Variants in SETBP1 observed in about 807,000 individuals in gnomAD.
SETBP1 encodes the protein SET binding protein 1.
A neutral mutation model predicts 101.0 loss-of-function variants in SETBP1; 9 were observed. That is an observed-to-expected ratio of 0.09 (90% confidence interval 0.05 to 0.16). SETBP1 has a LOEUF of 0.16. Ranked by LOEUF, SETBP1 falls within the 10% of genes least tolerant of loss-of-function variation. SETBP1 has a pLI of 1.00. For synonymous variants in SETBP1, 818 were observed against 788.5 expected (o/e 1.04, Z -0.63); for missense variants, 1,858 against 2,033.8 (o/e 0.91, Z 1.66).
intron 2 of SETBP1, among the ~76,000 whole-genome samples, chr18:44,833,408 G>A (rs1235040884): frequency 6.6e-6 from 1 of 152,178 alleles, no homozygotes; most frequent in Admixed American, 6.5e-5. Flanking sequence ...CAGAGGGTTG[G>A]AAGAATGAGG....
chr18:44,822,125 T>A (rs1467371015), intron 2 of SETBP1, among the ~76,000 whole-genome samples: 4 of 152,286 alleles, frequency 2.6e-5, no homozygotes, highest in Admixed American at 6.5e-5. Flanking sequence ...GTGACTTTTG[T>A]TCTGCAGAAT....
intron 2 of SETBP1, among the ~76,000 whole-genome samples, chr18:44,778,049 G>C (rs2071041674): frequency 6.6e-6 from 1 of 152,142 alleles, no homozygotes; most frequent in Non-Finnish European, 1.5e-5. Context: ...CTGTGGGATG[G>C]GCTGGCGTGT....
intron 3 of SETBP1, among the ~76,000 whole-genome samples, chr18:44,932,297 C>T (rs2070855051): frequency 1.3e-5 from 2 of 152,192 alleles, no homozygotes; most frequent in African/African-American, 4.8e-5. Context: ...AGAGTTTCTG[C>T]TGAGAGATCC....
At chr18:44,956,498 A>G (rs2145130660) in intron 4 of SETBP1, among the ~76,000 whole-genome samples, 1 of 152,236 alleles carries the variant, frequency 6.6e-6, no homozygotes, top group East Asian at 1.9e-4. Flanking sequence ...ATGATTGGAA[A>G]TAAGCACCTG....
intron 2 of SETBP1, among the ~76,000 whole-genome samples, chr18:44,834,214 T>G (rs961920431): frequency 7.9e-5 from 12 of 152,182 alleles, no homozygotes; most frequent in Non-Finnish European, 1.6e-4. Flanking sequence ...AGTTTCACCT[T>G]GCACACAGAA....
intron 2 of SETBP1, among the ~76,000 whole-genome samples, chr18:44,726,222 C>G (rs1208965892): frequency 6.6e-6 from 1 of 152,190 alleles, no homozygotes; most frequent in Non-Finnish European, 1.5e-5. Context: ...AGTGACATTT[C>G]AAGCCTTCTT....
Position 44,950,409 on chromosome 18 carries a change from A to T in SETBP1, c.1069A>T (p.Asn357Tyr). 6.2e-7 allele frequency: 1 copy of T among 1,614,130 alleles called. No homozygotes were observed. Among genetic ancestry groups the T allele is most frequent in the Non-Finnish European group, 8.5e-7 (1 of 1,180,034 alleles). Reference sequence around the variant, plus strand: ...AAACCCAGACCTGGATTGGGTCAAGAATGCCCAGAAAGCATTTGACAATAC... The same window carrying T: ...AAACCCAGACCTGGATTGGGTCAAGTATGCCCAGAAAGCATTTGACAATAC... ...IPNPDLDWVK[N>Y]AQKAFDNTEG... The change falls in exon 4 of 6, where the codon AAT (asparagine) becomes TAT (tyrosine). Residue 357 changes from asparagine (N) to tyrosine (Y), a missense_variant. By Grantham distance (143) the Asn-to-Tyr change is moderately radical (BLOSUM62 -2). Transcript: ENST00000649279.
chr18:45,002,822 C>T (rs930435831), intron 4 of SETBP1, among the ~76,000 whole-genome samples: 7 of 152,170 alleles, frequency 4.6e-5, no homozygotes, highest in Admixed American at 4.6e-4. Context: ...GTTTTAAGGG[C>T]TCAGTTGAAA....
At chr18:45,002,704 C>T (rs1197788461) in intron 4 of SETBP1, among the ~76,000 whole-genome samples, 3 of 152,196 alleles carry the variant, frequency 2.0e-5, no homozygotes, top group Non-Finnish European at 2.9e-5. Flanking sequence ...TTTTGCAGTT[C>T]CTTCTCCAAG....
At chr18:44,977,579 C>T (rs906151232) in intron 4 of SETBP1, among the ~76,000 whole-genome samples, 3 of 152,236 alleles carry the variant, frequency 2.0e-5, no homozygotes, top group Non-Finnish European at 2.9e-5. Context: ...GTTGCCTGAA[C>T]ATTGACTTTC....
intron 2 of SETBP1, among the ~76,000 whole-genome samples, chr18:44,828,066 A>G (rs1444078415): frequency 6.6e-6 from 1 of 152,218 alleles, no homozygotes; most frequent in African/African-American, 2.4e-5. Flanking sequence ...ATTCACATAA[A>G]TGTATTCACT....
chr18:44,755,169 T>C (rs2070464550), intron 2 of SETBP1, among the ~76,000 whole-genome samples: 1 of 152,168 alleles, frequency 6.6e-6, no homozygotes, highest in Admixed American at 6.5e-5. Context: ...AAATGAAATG[T>C]TGTTAGATTA....
At chr18:44,820,594 TG>T (rs1237145059) in intron 2 of SETBP1, among the ~76,000 whole-genome samples, 1 of 152,194 alleles carries the variant, frequency 6.6e-6, no homozygotes, top group Admixed American at 6.5e-5. Context: ...CCCTCCATAC[TG>T]GAGGAAAATA....
intron 3 of SETBP1, among the ~76,000 whole-genome samples, chr18:44,934,431 G>A (rs1378669010): frequency 6.6e-6 from 1 of 152,222 alleles, no homozygotes; most frequent in African/African-American, 2.4e-5. Flanking sequence ...TTACAGGTGT[G>A]AGCCACTGTG....
intron 4 of SETBP1, among the ~76,000 whole-genome samples, chr18:44,989,752 C>T (rs2072316760): frequency 6.7e-6 from 1 of 150,116 alleles, no homozygotes. Context: ...CCCTGTAGTC[C>T]CAGCTACTTG....
intron 2 of SETBP1, among the ~76,000 whole-genome samples, chr18:44,794,361 C>G (rs531555988): frequency 5.9e-5 from 9 of 152,288 alleles, no homozygotes; most frequent in South Asian, 2.1e-4. Context: ...TGCACCCCAC[C>G]ACCAAGAGGT....
At chr18:44,784,711 A>T (rs1428259189) in intron 2 of SETBP1, among the ~76,000 whole-genome samples, 1 of 152,212 alleles carries the variant, frequency 6.6e-6, no homozygotes, top group Non-Finnish European at 1.5e-5. Context: ...AGTGCTTTGC[A>T]CATAGTAGGA....
intron 4 of SETBP1, among the ~76,000 whole-genome samples, chr18:45,026,960 A>G (rs12604610): frequency 0.23 from 34,323 of 152,166 alleles, 4,361 homozygotes; most frequent in Middle Eastern, 0.33. Context: ...TGACCTGGGA[A>G]GAATAGAATC....
intron 2 of SETBP1, among the ~76,000 whole-genome samples, chr18:44,851,898 G>A (rs1467522061): frequency 2.0e-5 from 3 of 152,284 alleles, no homozygotes; most frequent in Admixed American, 6.5e-5. Flanking sequence ...TGCCATCCCT[G>A]GGCTCTGCTC....
Sources: allele counts gnomAD v4.1 joint callset (sites outside exome capture counted in the v4.1 genomes callset), GRCh38; gene constraint gnomAD v4.1.1; transcripts MANE v1.5; gene names NCBI Gene and HGNC (gene_info 2026-07-23, HGNC 2026-07-21).